Variants in STX8 observed in about 807,000 individuals in gnomAD.
The protein encoded by STX8 is syntaxin 8.
In STX8, 23 loss-of-function variants were observed where a neutral mutation model predicts 37.5. The ratio of observed to expected loss-of-function variants is 0.61; its 90% CI spans 0.44 to 0.87. The LOEUF (loss-of-function observed/expected upper bound fraction) is 0.87, where lower values mean the gene tolerates loss of function less well. Ranked by LOEUF, STX8 falls within the 40% of genes least tolerant of loss-of-function variation. The pLI is 0.00. For synonymous variants in STX8, 115 were observed against 99.1 expected, an observed-to-expected ratio of 1.16 and a Z score of -0.95; for missense variants, 313 against 284.7, an observed-to-expected ratio of 1.10 and a Z score of -0.71.
intron 7 of STX8, among the ~76,000 whole-genome samples, chr17:9,366,317 C>T (rs573223789): frequency 6.1e-4 from 93 of 152,246 alleles, no homozygotes; most frequent in African/African-American, 2.0e-3. Context: ...CTGCAACCTC[C>T]GCCTCCCGGG....
chr17:9,267,818 A>G (rs573660011), intron 7 of STX8, among the ~76,000 whole-genome samples: 1 of 152,140 alleles, frequency 6.6e-6, no homozygotes, highest in East Asian at 1.9e-4. Flanking sequence ...GTGAAATCCC[A>G]TCTCTACTAA....
chr17:9,279,771 T>C (rs1417922567), intron 7 of STX8, among the ~76,000 whole-genome samples: 2 of 152,222 alleles, frequency 1.3e-5, no homozygotes, highest in Non-Finnish European at 2.9e-5. Flanking sequence ...TTTTTTGGTT[T>C]TCCTCTTCAA....
Position 9,281,425 on chromosome 17 carries a change from A to G in STX8, c.644-30780T>C, listed in dbSNP as rs1325540712. On this transcript the variant is annotated intron_variant, in intron 7 of 7. Coordinates refer to ENST00000306357, the MANE Select transcript of STX8 (RefSeq NM_004853.3). Reference sequence around the variant, plus strand: ...CAGAAGAAAAGCAGGGCTGGAGAAGATCGTGAGCCTAGTTCTAGAAATCTT... The same window carrying G: ...CAGAAGAAAAGCAGGGCTGGAGAAGGTCGTGAGCCTAGTTCTAGAAATCTT... 5.9e-5 allele frequency among the ~76,000 whole-genome samples: 9 copies of G among 152,132 alleles called. 1 individual carries two copies. The highest frequency in any genetic ancestry group is 1.9e-4 in the African/African-American group (8 of 41,420).
chr17:9,524,476 C>T (rs1905481451), intron 4 of STX8, among the ~76,000 whole-genome samples: 2 of 152,114 alleles, frequency 1.3e-5, no homozygotes, highest in South Asian at 4.1e-4. Context: ...GCACTAATCC[C>T]ATTCTTGAGG....
Position 9,557,433 on chromosome 17 carries a change from C to T in STX8, c.212+1G>A. 6.2e-7 allele frequency: 1 copy of T among 1,611,202 alleles called. No homozygotes were observed. The highest frequency in any genetic ancestry group is 8.5e-7 in the Non-Finnish European group (1 of 1,177,468). On this transcript the variant is annotated splice_donor_variant, in intron 3 of 7. Coordinates refer to ENST00000306357, the MANE Select transcript of STX8 (RefSeq NM_004853.3). LOFTEE classifies it high-confidence loss of function. ...AGAGGTGGAAATGTTTACATGGATA[C>T]ATCTGATGTGTTGACACAGCTCTTA...
At chr17:9,486,331 G>C (rs1468663476) in intron 6 of STX8, among the ~76,000 whole-genome samples, 2 of 152,164 alleles carry the variant, frequency 1.3e-5, no homozygotes, top group Non-Finnish European at 2.9e-5. Context: ...TAGATTGTCA[G>C]GGAAACATCC....
intron 7 of STX8, among the ~76,000 whole-genome samples, chr17:9,343,003 A>C (rs1567791475): frequency 7.1e-6 from 1 of 139,970 alleles, no homozygotes; most frequent in Non-Finnish European, 1.5e-5. Flanking sequence ...CCTGGTGACA[A>C]GAGTGAAACT....
intron 4 of STX8, chr17:9,540,801 C>G (rs1182376461): frequency 6.6e-6 from 1 of 152,202 alleles, no homozygotes; most frequent in South Asian, 2.1e-4. Context: ...AGAAAAGATA[C>G]ACCAATCTCT....
intron 7 of STX8, among the ~76,000 whole-genome samples, chr17:9,375,881 C>T (rs1024841365): frequency 1.3e-5 from 2 of 152,072 alleles, no homozygotes; most frequent in Non-Finnish European, 2.9e-5. Context: ...CCTGAGGTCA[C>T]GCAGCTAGAG....
chr17:9,545,424 G>T (rs903053652), intron 3 of STX8, 142 bp from the exon 4 acceptor site: 1 of 616,190 alleles, frequency 1.6e-6, no homozygotes, highest in African/African-American at 1.8e-5. Context: ...CCACTCTTGC[G>T]TTTTTCCTGC....
chr17:9,436,195 AAT>A (rs1904423851), intron 6 of STX8, among the ~76,000 whole-genome samples: 1 of 151,916 alleles, frequency 6.6e-6, no homozygotes, highest in African/African-American at 2.4e-5. Flanking sequence ...AAAAAAAAAA[AAT>A]AGCTGGGAGT....
chr17:9,252,455 AAAT>A (rs1052617164), intron 7 of STX8, among the ~76,000 whole-genome samples: 8 of 151,654 alleles, frequency 5.3e-5, no homozygotes, highest in African/African-American at 1.7e-4. Context: ...AAAAAAAAAA[AAAT>A]ATTAGCCAGG....
intron 3 of STX8, among the ~76,000 whole-genome samples, chr17:9,546,521 C>T (rs1398228144): frequency 1.3e-5 from 2 of 150,318 alleles, no homozygotes; most frequent in African/African-American, 2.5e-5. Flanking sequence ...TGTCAACAAC[C>T]GGCGCCACTT....
Position 9,378,820 on chromosome 17 carries a change from A to G in STX8, c.542-167T>C, listed in dbSNP as rs139246965. On this transcript the variant is annotated intron_variant, in intron 6 of 7. Transcript: ENST00000306357. Reference sequence around the variant, plus strand: ...AAACTGCAATTCTGATTGTAAAAGGAAAAAAAAAAGCAGTAGTAAAGAAGA... The same window carrying G: ...AAACTGCAATTCTGATTGTAAAAGGGAAAAAAAAAGCAGTAGTAAAGAAGA... Among the ~76,000 whole-genome samples, 19 of 149,552 alleles carry G rather than the reference A, an allele frequency of 1.3e-4. No homozygotes were observed. The East Asian group carries it at 2.1e-3, about 17-fold the overall frequency.
intron 6 of STX8, among the ~76,000 whole-genome samples, chr17:9,483,575 G>C (rs1906439807): frequency 1.3e-5 from 2 of 152,152 alleles, no homozygotes; most frequent in Non-Finnish European, 2.9e-5. Flanking sequence ...TGAAAATTCA[G>C]CTGAGCAGTT....
At chr17:9,527,765 C>T (rs950288693) in intron 4 of STX8, among the ~76,000 whole-genome samples, 7 of 152,174 alleles carry the variant, frequency 4.6e-5, no homozygotes, top group African/African-American at 1.7e-4. Context: ...GGGGCCCTCA[C>T]ACAGATTGCT....
In STX8 at chr17:9,502,975, G is replaced by A. The variant is rs920723143; in HGVS notation, c.448+2063C>T. Among the ~76,000 whole-genome samples the A allele has an allele frequency of 5.3e-5, 8 of 151,630 alleles. No homozygotes were observed. The South Asian group carries it at 6.3e-4, about 12-fold the overall frequency. ...AAAAAAATTAGCTGGGCATGATGGC[G>A]GGCGCCCGTAATCCCAGCCACTCGG... is the stretch of plus-strand genomic sequence containing the variant. On this transcript the variant is annotated intron_variant, in intron 5 of 7. Transcript: ENST00000306357.
rs764993869 is a variant in STX8 at position 9,286,573 on chromosome 17, G to A, written c.644-35928C>T. On this transcript the variant is annotated intron_variant, in intron 7 of 7. Transcript: ENST00000306357. ...CAAGTTTGATAGCTTGTAAGCTCAC[G>A]GCTTTGGTTCTTGTCTTCAACCTTC... 1.1e-4 allele frequency among the ~76,000 whole-genome samples: 17 copies of A among 152,022 alleles called. 1 individual carries two copies. Among genetic ancestry groups the A allele is most frequent in the Admixed American group, 5.9e-4 (9 of 15,262 alleles).
chr17:9,290,825 C>CA (rs1366025066), intron 7 of STX8, among the ~76,000 whole-genome samples: 1 of 152,184 alleles, frequency 6.6e-6, no homozygotes, highest in East Asian at 1.9e-4. Flanking sequence ...CATTGCCACC[C>CA]AGTCCAGGAC....
Sources: allele counts gnomAD v4.1 joint callset (sites outside exome capture counted in the v4.1 genomes callset), GRCh38; gene constraint gnomAD v4.1.1; transcripts MANE v1.5; gene names NCBI Gene and HGNC (gene_info 2026-07-23, HGNC 2026-07-21).